The following MPPED2 variants were observed in gnomAD, a reference collection of about 807,000 sequenced individuals.
MPPED2 encodes metallophosphoesterase MPPED2.
Under a neutral mutation model 33.0 loss-of-function variants are expected in MPPED2, and 5 were observed. The observed-to-expected ratio is 0.15, with a 90% CI of 0.08 to 0.32. MPPED2 has a LOEUF of 0.32. Among genes scored for constraint, MPPED2 ranks in the 10% least tolerant of loss-of-function variants. MPPED2 has a pLI of 1.00. For synonymous variants in MPPED2, 136 were observed against 141.9 expected (o/e 0.96, Z 0.29); for missense variants, 275 against 372.1 (o/e 0.74, Z 2.15).
At chr11:30,474,323 T>C (rs932129157) in intron 4 of MPPED2, among the ~76,000 whole-genome samples, 1 of 152,210 alleles carries the variant, frequency 6.6e-6, no homozygotes, top group Admixed American at 6.5e-5. Flanking sequence ...TTTCCACTAG[T>C]GAGGTTCCTC....
At chr11:30,444,450 A>G (rs1439268082) in intron 4 of MPPED2, among the ~76,000 whole-genome samples, 2 of 139,456 alleles carry the variant, frequency 1.4e-5, no homozygotes, top group African/African-American at 5.2e-5. Context: ...ACATCATTCT[A>G]TTTTTTTTTT....
Position 30,545,150 on chromosome 11 carries a change from C to T in MPPED2, c.129-8975G>A, listed in dbSNP as rs544957082. ...CCTGGAGGGCATGGAAAACATCTTT[C>T]TCCCTCTACCCAGTAAGAGGAACAG... On this transcript the variant is annotated intron_variant, in intron 2 of 6. Transcript: ENST00000358117. Among the ~76,000 whole-genome samples, 8 of 152,246 alleles carry T rather than the reference C, an allele frequency of 5.3e-5. No homozygotes were observed. In the South Asian group the frequency reaches 1.7e-3, roughly 32 times the overall value.
chr11:30,507,695 C>G (rs969643021), intron 3 of MPPED2, among the ~76,000 whole-genome samples: 1 of 152,120 alleles, frequency 6.6e-6, no homozygotes, highest in Non-Finnish European at 1.5e-5. Flanking sequence ...AAGAGCTACC[C>G]TGAATCAGAG....
chr11:30,581,304 T>C lies in MPPED2; in HGVS notation c.-121-810A>G, dbSNP rs146119667. On this transcript the variant is annotated intron_variant, in intron 1 of 6. Transcript: ENST00000358117. ...CTTGGTGCAACGTAATTCTCAGTAA[T>C]TGGTTTCATTTTTTAAAATTTCCAT... Among the ~76,000 whole-genome samples, 661 of 152,358 alleles carry C rather than the reference T, an allele frequency of 4.3e-3. 2 individuals are homozygous for C. The highest frequency in any genetic ancestry group is 0.017 in the Middle Eastern group (5 of 294).
At chr11:30,401,192 A>G (rs1293390989) in intron 6 of MPPED2, among the ~76,000 whole-genome samples, 1 of 152,206 alleles carries the variant, frequency 6.6e-6, no homozygotes, top group Non-Finnish European at 1.5e-5. Context: ...ACTGTGTGTT[A>G]TAGGATAGCA....
At chr11:30,512,476 AC>A (rs1384568228) in intron 3 of MPPED2, among the ~76,000 whole-genome samples, 1 of 152,174 alleles carries the variant, frequency 6.6e-6, no homozygotes, top group Admixed American at 6.5e-5. Context: ...AATTTACAAA[AC>A]AAACAAACAA....
chr11:30,400,921 C>T (rs751048548), intron 6 of MPPED2, among the ~76,000 whole-genome samples: 79 of 152,100 alleles, frequency 5.2e-4, no homozygotes, highest in Non-Finnish European at 1.0e-3. Flanking sequence ...GTGCATGCCA[C>T]GACCCTCAGC....
At chr11:30,401,680 A>AT (rs532384507) in intron 6 of MPPED2, among the ~76,000 whole-genome samples, 183 of 152,164 alleles carry the variant, frequency 1.2e-3, no homozygotes, top group Admixed American at 5.4e-3. Flanking sequence ...ACTACATAAG[A>AT]TTTTTTTGTT....
At chr11:30,395,563 G>T (rs910370400) in intron 6 of MPPED2, among the ~76,000 whole-genome samples, 4 of 152,052 alleles carry the variant, frequency 2.6e-5, no homozygotes, top group African/African-American at 9.7e-5. Flanking sequence ...TTAGAAAGAA[G>T]CCTCTCATGA....
At chr11:30,582,547 G>A (rs1182618948) in intron 1 of MPPED2, among the ~76,000 whole-genome samples, 1 of 152,158 alleles carries the variant, frequency 6.6e-6, no homozygotes, top group African/African-American at 2.4e-5. Flanking sequence ...GATTTTAAAT[G>A]TTTCTGGAGT....
chr11:30,540,515 TGTTA>T (rs1462441739), intron 2 of MPPED2, among the ~76,000 whole-genome samples: 1 of 152,116 alleles, frequency 6.6e-6, no homozygotes, highest in African/African-American at 2.4e-5. Flanking sequence ...ACCCAATAAA[TGTTA>T]GTATTTTTTT....
Position 30,580,237 on chromosome 11 carries a change from G to T in MPPED2, c.128+9C>A. On this transcript the variant is annotated intron_variant, in intron 2 of 6. Coordinates refer to ENST00000358117, the MANE Select transcript of MPPED2 (RefSeq NM_001584.3). ...TGCTAATTTTGTTAAGTTCATAAGC[G>T]ATACTTACATATGTACATGTGGAGG... 3 of 1,607,788 alleles carry T rather than the reference G, an allele frequency of 1.9e-6. No homozygotes were observed. The highest frequency in any genetic ancestry group is 1.3e-5 in the African/African-American group (1 of 74,666).
At chr11:30,499,599 C>T (rs1015804622) in intron 3 of MPPED2, among the ~76,000 whole-genome samples, 2 of 152,138 alleles carry the variant, frequency 1.3e-5, no homozygotes, top group East Asian at 1.9e-4. Flanking sequence ...TACATTGAAT[C>T]CTCCTCCTTG....
intron 2 of MPPED2, among the ~76,000 whole-genome samples, chr11:30,543,253 A>C (rs1043538034): frequency 6.6e-6 from 1 of 152,202 alleles, no homozygotes; most frequent in Non-Finnish European, 1.5e-5. Context: ...TTCCACATAC[A>C]GGTCTCTTCA....
intron 4 of MPPED2, among the ~76,000 whole-genome samples, chr11:30,428,546 T>C (rs1158626380): frequency 6.6e-6 from 1 of 152,082 alleles, no homozygotes; most frequent in Non-Finnish European, 1.5e-5. Context: ...TAAATAGAAG[T>C]TGTAGCGACT....
chr11:30,434,463 A>G (rs912931501), intron 4 of MPPED2, among the ~76,000 whole-genome samples: 1 of 152,232 alleles, frequency 6.6e-6, no homozygotes, highest in African/African-American at 2.4e-5. Flanking sequence ...ACCCCCAGGA[A>G]GTAACAACTG....
intron 2 of MPPED2, among the ~76,000 whole-genome samples, chr11:30,544,104 G>A (rs1955281965): frequency 6.6e-6 from 1 of 152,032 alleles, no homozygotes; most frequent in Non-Finnish European, 1.5e-5. Context: ...TTAATTCTTT[G>A]AGCACTGCAT....
At chr11:30,443,502 AAGAG>A (rs1434153510) in intron 4 of MPPED2, among the ~76,000 whole-genome samples, 5 of 152,090 alleles carry the variant, frequency 3.3e-5, no homozygotes, top group Non-Finnish European at 7.4e-5. Flanking sequence ...GAGGGAGAGA[AAGAG>A]AGAAGACGGG....
At chr11:30,404,360 G>A (rs980575539) in intron 6 of MPPED2, among the ~76,000 whole-genome samples, 4 of 152,242 alleles carry the variant, frequency 2.6e-5, no homozygotes, top group African/African-American at 9.6e-5. Flanking sequence ...GGAGGTGATG[G>A]ATGGAGACAT....
Sources: allele counts gnomAD v4.1 joint callset (sites outside exome capture counted in the v4.1 genomes callset), GRCh38; gene constraint gnomAD v4.1.1; transcripts MANE v1.5; gene names NCBI Gene and HGNC (gene_info 2026-07-23, HGNC 2026-07-21).